SORCS2: variants seen among roughly 807,000 people sequenced by gnomAD.
SORCS2 encodes sortilin related VPS10 domain containing receptor 2.
A neutral mutation model predicts 141.6 loss-of-function variants in SORCS2; 100 were observed. The observed-to-expected ratio is 0.71, with a 90% CI of 0.60 to 0.83. SORCS2 has a LOEUF of 0.83. SORCS2 is among the 40% of genes least tolerant of loss of function. The pLI is 0.00. For synonymous variants in SORCS2, 789 were observed against 676.9 expected (o/e 1.17, Z -2.57); for missense variants, 1,646 against 1,560.2 (o/e 1.05, Z -0.93).
chr4:7,716,501 C>G (rs1226663641), intron 17 of SORCS2, among the ~76,000 whole-genome samples: 1 of 152,118 alleles, frequency 6.6e-6, no homozygotes, highest in Admixed American at 6.6e-5. Flanking sequence ...TTCAGTTACC[C>G]ATCCATCCAT....
intron 3 of SORCS2, among the ~76,000 whole-genome samples, chr4:7,560,863 C>G (rs538512704): frequency 6.6e-6 from 1 of 152,144 alleles, no homozygotes; most frequent in Non-Finnish European, 1.5e-5. Flanking sequence ...GTTTCCCTAT[C>G]GACAGAGGTT....
At chr4:7,207,839 G>T (rs1205161901) in intron 1 of SORCS2, among the ~76,000 whole-genome samples, 1 of 152,194 alleles carries the variant, frequency 6.6e-6, no homozygotes, top group South Asian at 2.1e-4. Context: ...TTGACATCTG[G>T]TTTTTCACAA....
rs560578651 is a variant in SORCS2 at position 7,705,859 on chromosome 4, A to G, written c.1868+1575A>G. Reference sequence around the variant, plus strand: ...CTGACCCCAGCCTCTATCTCCCTCCATGTGCCCCACCCTCCCCAGCAGGCG... The same window carrying G: ...CTGACCCCAGCCTCTATCTCCCTCCGTGTGCCCCACCCTCCCCAGCAGGCG... On this transcript the variant is annotated intron_variant, in intron 14 of 26. Transcript: ENST00000507866. Among the ~76,000 whole-genome samples, 3 of 152,238 alleles carry G rather than the reference A, an allele frequency of 2.0e-5. No individual in the cohort carries two copies. The South Asian group carries it at 6.2e-4, about 32-fold the overall frequency.
Position 7,663,171 on chromosome 4 carries a change from TGATGAGTG to T in SORCS2, c.953-1181_953-1174del, listed in dbSNP as rs1429062018. ...TTGAAAGAGTGAGTGAGTGAATGAG[TGATGAGTG>T]AATGAGTGAGTGAGTGAAGAGTGAA... On this transcript the variant is annotated intron_variant, in intron 6 of 26. Coordinates refer to ENST00000507866, the MANE Select transcript of SORCS2 (RefSeq NM_020777.3). The surrounding 1 kb of genome is among the most constrained non-coding windows in gnomAD (Gnocchi z 4.8). 6.7e-6 allele frequency among the ~76,000 whole-genome samples: 1 copy of T among 149,436 alleles called. No individual in the cohort carries two copies. Among genetic ancestry groups the T allele is most frequent in the Non-Finnish European group, 1.5e-5 (1 of 67,676 alleles).
intron 1 of SORCS2, among the ~76,000 whole-genome samples, chr4:7,229,549 C>G (rs912197578): frequency 6.6e-6 from 1 of 152,288 alleles, no homozygotes; most frequent in African/African-American, 2.4e-5. Flanking sequence ...TTTCCTCCTT[C>G]CGGAGCTTGC....
chr4:7,260,183 T>C (rs552889912), intron 1 of SORCS2, among the ~76,000 whole-genome samples: 1 of 152,362 alleles, frequency 6.6e-6, no homozygotes, highest in East Asian at 1.9e-4. Context: ...GTCAGGGGAC[T>C]GGGCATCCAA....
At chr4:7,544,689 C>T (rs533570403) in intron 3 of SORCS2, among the ~76,000 whole-genome samples, 139 of 152,356 alleles carry the variant, frequency 9.1e-4, no homozygotes, top group Non-Finnish European at 1.7e-3. Context: ...GGGGTATTGA[C>T]CCCCTAGCTA....
intron 1 of SORCS2, among the ~76,000 whole-genome samples, chr4:7,264,045 A>T (rs950554092): frequency 1.3e-5 from 2 of 152,200 alleles, no homozygotes; most frequent in East Asian, 3.9e-4. Context: ...CTGAGGTCAC[A>T]GAGGCCCCCC....
At chr4:7,510,348 G>A (rs1300113859) in intron 2 of SORCS2, among the ~76,000 whole-genome samples, 4 of 152,220 alleles carry the variant, frequency 2.6e-5, no homozygotes, top group Non-Finnish European at 4.4e-5. Context: ...AGCCTTGTCC[G>A]TGTGGTGTCC....
intron 3 of SORCS2, among the ~76,000 whole-genome samples, chr4:7,550,219 T>C (rs1713589724): frequency 6.6e-6 from 1 of 151,752 alleles, no homozygotes. Context: ...CCTCCCTGCC[T>C]GTGAACCGCC....
At chr4:7,552,117 A>T (rs1206732374) in intron 3 of SORCS2, among the ~76,000 whole-genome samples, 1 of 152,196 alleles carries the variant, frequency 6.6e-6, no homozygotes, top group Non-Finnish European at 1.5e-5. Context: ...GCCATTATGC[A>T]TCCTCCAAAG....
At chr4:7,601,811 C>T (rs1475604766) in intron 3 of SORCS2, among the ~76,000 whole-genome samples, 1 of 151,836 alleles carries the variant, frequency 6.6e-6, no homozygotes, top group Non-Finnish European at 1.5e-5. Context: ...GGCGGAGGAC[C>T]CTGCCGCCTT....
Position 7,446,248 on chromosome 4 carries a change from G to A in SORCS2, c.548+49893G>A, listed in dbSNP as rs181941174. Among the ~76,000 whole-genome samples the A allele has an allele frequency of 7.4e-4, 112 of 152,234 alleles. 1 individual carries two copies. Among genetic ancestry groups the A allele is most frequent in the African/African-American group, 2.6e-3 (108 of 41,536 alleles). On this transcript the variant is annotated intron_variant, in intron 2 of 26. Transcript: ENST00000507866. ...AGCTGAGCATCAGTAAGCCTCTGATGTCGCACAGTGAGTTGGAGGGACACA... is the reference window on the plus strand; with the variant it reads ...AGCTGAGCATCAGTAAGCCTCTGATATCGCACAGTGAGTTGGAGGGACACA...
intron 1 of SORCS2, among the ~76,000 whole-genome samples, chr4:7,370,131 A>G (rs1411924180): frequency 6.6e-6 from 1 of 152,116 alleles, no homozygotes. Flanking sequence ...GGGACCCAGG[A>G]GAGGCCCTTT....
rs530626673 is a variant in SORCS2 at position 7,281,737 on chromosome 4, C to T, written c.480+88611C>T. The stretch of plus-strand genomic sequence containing the variant: ...CTCCCCCATGAGAATAATTGTGTTG[C>T]GGTCCCTCTTTCCTCTCACCTCCTG... On this transcript the variant is annotated intron_variant, in intron 1 of 26. Transcript: ENST00000507866. Among the ~76,000 whole-genome samples the T allele has an allele frequency of 4.6e-5, 7 of 152,292 alleles. No homozygotes were observed. The East Asian group carries it at 7.7e-4, about 17-fold the overall frequency.
At chr4:7,252,218 A>C (rs1162975383) in intron 1 of SORCS2, among the ~76,000 whole-genome samples, 1 of 152,192 alleles carries the variant, frequency 6.6e-6, no homozygotes, top group Non-Finnish European at 1.5e-5. Flanking sequence ...GGCCCGAGGC[A>C]GGAGAGTGGG....
chr4:7,376,470 C>A (rs868804981), intron 1 of SORCS2, among the ~76,000 whole-genome samples: 1 of 151,958 alleles, frequency 6.6e-6, no homozygotes, highest in East Asian at 1.9e-4. Flanking sequence ...CCAGCTACTC[C>A]GGAGGCTGAG....
intron 1 of SORCS2, among the ~76,000 whole-genome samples, chr4:7,364,299 A>G (rs1006642407): frequency 1.3e-5 from 2 of 152,170 alleles, no homozygotes; most frequent in Non-Finnish European, 2.9e-5. Context: ...TTTCTTTCCA[A>G]GTGGGGAGGT....
intron 1 of SORCS2, among the ~76,000 whole-genome samples, chr4:7,383,729 AAAAAC>A (rs1337416566): frequency 2.0e-5 from 3 of 152,248 alleles, no homozygotes; most frequent in Admixed American, 6.5e-5. Flanking sequence ...AGCAACGACA[AAAAAC>A]AAAACAAAAA....
Sources: allele counts gnomAD v4.1 joint callset (sites outside exome capture counted in the v4.1 genomes callset), GRCh38; gene constraint gnomAD v4.1.1; non-coding constraint Gnocchi (gnomAD v3.1); transcripts MANE v1.5; gene names NCBI Gene and HGNC (gene_info 2026-07-23, HGNC 2026-07-21).